CRISPLD2: variants seen among roughly 807,000 people sequenced by gnomAD.
The protein encoded by CRISPLD2 is cysteine rich secretory protein LCCL domain containing 2, also known as cysteine-rich secretory protein LCCL domain-containing 2.
In CRISPLD2, 47 loss-of-function variants were observed where a neutral mutation model predicts 71.1. That is an observed-to-expected ratio of 0.66 (90% confidence interval 0.52 to 0.84). CRISPLD2 has a LOEUF of 0.84. Ranked by LOEUF, CRISPLD2 falls within the 40% of genes least tolerant of loss-of-function variation. The probability of loss-of-function intolerance (pLI) is 0.00; values close to 1 mark genes in which losing one functional copy is unlikely to be tolerated. For synonymous variants in CRISPLD2, 317 were observed against 250.1 expected (o/e 1.27, Z -2.52); for missense variants, 830 against 651.1 (o/e 1.27, Z -2.99).
intron 1 of CRISPLD2, among the ~76,000 whole-genome samples, chr16:84,826,011 C>A (rs1034607981): frequency 1.3e-5 from 2 of 151,424 alleles, no homozygotes; most frequent in Non-Finnish European, 2.9e-5. Context: ...CATAGAAATG[C>A]AGGTTTTCAG....
intron 14 of CRISPLD2, among the ~76,000 whole-genome samples, chr16:84,890,177 T>G (rs938882881): frequency 1.3e-5 from 2 of 151,896 alleles, no homozygotes; most frequent in African/African-American, 4.8e-5. Context: ...GCTAACATGA[T>G]GAAACCCCCG....
intron 14 of CRISPLD2, 133 bp from the exon 15 acceptor site, chr16:84,906,455 A>T: frequency 1.2e-6 from 1 of 808,450 alleles, no homozygotes; most frequent in Non-Finnish European, 2.0e-6. Flanking sequence ...GGCTTCAAGG[A>T]AGTGTCCCTT....
chr16:84,831,684 A>G (rs1008919612), intron 1 of CRISPLD2, among the ~76,000 whole-genome samples: 6 of 151,790 alleles, frequency 4.0e-5, no homozygotes, highest in Non-Finnish European at 2.9e-5. Flanking sequence ...GGGATTATAG[A>G]TGTGAGTCAC....
At chr16:84,845,708 G>A in intron 2 of CRISPLD2, 78 bp from the exon 3 acceptor site, 1 of 939,804 alleles carries the variant, frequency 1.1e-6, no homozygotes, top group Non-Finnish European at 1.7e-6. Flanking sequence ...AGCCCAGGCT[G>A]GGGCGTTGCT....
chr16:84,901,222 A>G (rs1225897262), intron 14 of CRISPLD2, among the ~76,000 whole-genome samples: 1 of 152,206 alleles, frequency 6.6e-6, no homozygotes, highest in African/African-American at 2.4e-5. Flanking sequence ...GCAGAGTGGT[A>G]TGTCTATGGC....
intron 6 of CRISPLD2, 67 bp downstream of exon 6, chr16:84,854,896 A>G: frequency 1.6e-6 from 2 of 1,230,298 alleles, no homozygotes. Context: ...CGACAGCGTT[A>G]CATGAAACAG....
intron 11 of CRISPLD2, 148 bp downstream of exon 11, chr16:84,874,111 C>T (rs1452980577): frequency 1.3e-6 from 1 of 771,324 alleles, no homozygotes; most frequent in African/African-American, 1.8e-5. Flanking sequence ...TTCAAGACGT[C>T]ATCTCTTTAA....
chr16:84,892,930 T>A (rs1480903138), intron 14 of CRISPLD2, among the ~76,000 whole-genome samples: 5 of 141,472 alleles, frequency 3.5e-5, no homozygotes, highest in Admixed American at 1.5e-4. Flanking sequence ...GAGCCGAGAT[T>A]CCACCACTGT....
At chr16:84,888,134 G>A (rs748951767) in intron 13 of CRISPLD2, among the ~76,000 whole-genome samples, 13 of 152,240 alleles carry the variant, frequency 8.5e-5, no homozygotes, top group Non-Finnish European at 8.8e-5. Context: ...TGGCAGCAGG[G>A]CTGCTTCCTT....
rs990725812 is a variant in CRISPLD2, at chr16:84,889,475, C to G, written c.1439+112C>G. 4.4e-5 allele frequency: 52 copies of G among 1,173,056 alleles called. No homozygotes were observed. The East Asian group carries it at 1.4e-3, about 32-fold the overall frequency. The allele number at this position is 1,173,056 out of a possible 1,614,324, so 72.7% of individuals were successfully genotyped here. The stretch of plus-strand genomic sequence containing the variant: ...CCCTTTAAAATAAAACTCGGGTAGA[C>G]TTGCACGAATTCTTACCAGGACTCC... On this transcript the variant is annotated intron_variant, in intron 14 of 14. Coordinates refer to ENST00000262424, the MANE Select transcript of CRISPLD2 (RefSeq NM_031476.4).
Position 84,863,885 on chromosome 16 carries a change from C to T in CRISPLD2, c.710-3012C>T, listed in dbSNP as rs527550923. Among the ~76,000 whole-genome samples, 7 of 133,944 alleles carry T rather than the reference C, an allele frequency of 5.2e-5. No homozygotes were observed. In the South Asian group the frequency reaches 1.8e-3, roughly 34 times the overall value. 87.9% of individuals were successfully genotyped at this position (133,944 alleles called of 152,430 possible). ...GGTAGGAGAATCGCTTGAACCCGGG[C>T]GGCGGAGGTTGCAGTGAGCCGAGAT... is the stretch of plus-strand genomic sequence containing the variant. On this transcript the variant is annotated intron_variant, in intron 6 of 14. Coordinates refer to ENST00000262424, the MANE Select transcript of CRISPLD2 (RefSeq NM_031476.4).
chr16:84,867,381 C>T (rs1433573043), intron 7 of CRISPLD2, among the ~76,000 whole-genome samples: 3 of 152,126 alleles, frequency 2.0e-5, no homozygotes, highest in Non-Finnish European at 2.9e-5. Context: ...GGGCAGGCAG[C>T]GTCCAGCCTG....
intron 1 of CRISPLD2, among the ~76,000 whole-genome samples, chr16:84,832,896 T>C (rs1916522398): frequency 6.6e-6 from 1 of 152,146 alleles, no homozygotes; most frequent in Non-Finnish European, 1.5e-5. Flanking sequence ...GAGATAACCA[T>C]CAGGGAGACC....
chr16:84,845,967 A>C, intron 3 of CRISPLD2, 63 bp downstream of exon 3: 1 of 1,040,394 alleles, frequency 9.6e-7, no homozygotes, highest in Non-Finnish European at 1.5e-6. Flanking sequence ...CGGGCTCAGC[A>C]CTTGTGCCCC....
intron 1 of CRISPLD2, chr16:84,829,388 G>A (rs1916432063): frequency 6.6e-6 from 1 of 152,366 alleles, no homozygotes; most frequent in Non-Finnish European, 1.5e-5. Context: ...CTCAGTCAAG[G>A]GATCTGCCAG....
rs187937570 is a variant in CRISPLD2 at position 84,896,065 on chromosome 16, G to A, written c.1439+6702G>A. Among the ~76,000 whole-genome samples the A allele has an allele frequency of 1.4e-4, 21 of 149,322 alleles. 1 individual carries two copies. Among genetic ancestry groups the A allele is most frequent in the Non-Finnish European group, 1.5e-5 (1 of 67,534 alleles). Reference sequence around the variant, plus strand: ...CTTTTTTTTTTTTTTTGGAGATGGAGTCTCCCTCTGTTGCCCAGGCTGGGA... The same window carrying A: ...CTTTTTTTTTTTTTTTGGAGATGGAATCTCCCTCTGTTGCCCAGGCTGGGA... On this transcript the variant is annotated intron_variant, in intron 14 of 14. Transcript: ENST00000262424.
At chr16:84,843,311 G>C (rs1275487584) in intron 2 of CRISPLD2, among the ~76,000 whole-genome samples, 1 of 152,230 alleles carries the variant, frequency 6.6e-6, no homozygotes, top group Non-Finnish European at 1.5e-5. Context: ...ACCCAAACAA[G>C]CAATGCAGAT....
At chr16:84,868,734 C>T (rs1056196441) in intron 7 of CRISPLD2, 117 bp from the exon 8 acceptor site, 2 of 854,188 alleles carry the variant, frequency 2.3e-6, no homozygotes, top group African/African-American at 3.4e-5. Context: ...TGCCCTTGCT[C>T]TTAGTATAGC....
intron 1 of CRISPLD2, among the ~76,000 whole-genome samples, chr16:84,822,725 A>G (rs1045841597): frequency 2.0e-5 from 3 of 152,146 alleles, no homozygotes; most frequent in Non-Finnish European, 4.4e-5. Context: ...TTCCAGGGAC[A>G]GGGACCTAAA....
Sources: gnomAD v4.1 joint callset for allele counts (sites outside exome capture counted in the v4.1 genomes callset) on GRCh38, gnomAD v4.1.1 for gene constraint, MANE v1.5 for transcripts, NCBI Gene and HGNC (gene_info 2026-07-23, HGNC 2026-07-21) for gene names.